ZNF790: variants seen among roughly 807,000 people sequenced by gnomAD.
ZNF790 encodes zinc finger protein 790.
Under a neutral mutation model 12.1 loss-of-function variants are expected in ZNF790, and 8 were observed. That is an observed-to-expected ratio of 0.66 (90% confidence interval 0.39 to 1.19). The LOEUF is 1.19. Ranked by LOEUF, ZNF790 falls within the 50% of genes most tolerant of loss-of-function variation. The probability of loss-of-function intolerance (pLI) is 0.01; values close to 1 mark genes in which losing one functional copy is unlikely to be tolerated. For synonymous variants in ZNF790, 252 were observed against 244.3 expected (o/e 1.03, Z -0.29); for missense variants, 707 against 752.2 (o/e 0.94, Z 0.70).
chr19:36,846,736 C>CT (rs1468050065), intron 1 of ZNF790, among the ~76,000 whole-genome samples: 9 of 152,312 alleles, frequency 5.9e-5, no homozygotes. Flanking sequence ...CTTAGATTCT[C>CT]TATTAGTCTA....
At chr19:36,821,140 T>A (rs183083886) in intron 4 of ZNF790, among the ~76,000 whole-genome samples, 49 of 147,506 alleles carry the variant, frequency 3.3e-4, no homozygotes, top group African/African-American at 1.2e-3. Context: ...TAAGAATAAG[T>A]ACTCCTCTGT....
chr19:36,839,505 A>T (rs1294913142), upstream of ZNF790, among the ~76,000 whole-genome samples: 1 of 152,014 alleles, frequency 6.6e-6, no homozygotes, highest in African/African-American at 2.4e-5. Flanking sequence ...GGCTCAAGTG[A>T]TCCTCCCACC....
chr19:36,827,164 A>G (rs1488562178), intron 1 of ZNF790, among the ~76,000 whole-genome samples: 2 of 137,450 alleles, frequency 1.5e-5, no homozygotes, highest in Admixed American at 7.4e-5. Flanking sequence ...ATATATATAT[A>G]TATATATATA....
chr19:36,839,125 C>A (rs2072105711), upstream of ZNF790, among the ~76,000 whole-genome samples: 1 of 152,168 alleles, frequency 6.6e-6, no homozygotes, highest in African/African-American at 2.4e-5. Flanking sequence ...TCCATTCATG[C>A]CATTCTTTTT....
chr19:36,823,584 A>G (rs1013890846), intron 3 of ZNF790, 83 bp downstream of exon 3: 1 of 1,544,606 alleles, frequency 6.5e-7, no homozygotes, highest in Non-Finnish European at 8.8e-7. Flanking sequence ...CAAAGGTCAG[A>G]AGTTACCCTG....
chr19:36,837,099 G>A, intron 1 of ZNF790, among the ~76,000 whole-genome samples: 1 of 152,084 alleles, frequency 6.6e-6, no homozygotes, highest in Non-Finnish European at 1.5e-5. Flanking sequence ...ATCCAACCTT[G>A]TATTTATATT....
chr19:36,827,058 T>G (rs927290722), intron 1 of ZNF790, among the ~76,000 whole-genome samples: 1 of 149,486 alleles, frequency 6.7e-6, no homozygotes, highest in Non-Finnish European at 1.5e-5. Context: ...TACATAGATA[T>G]ATATGTGTGT....
chr19:36,819,897 G>A lies in ZNF790; in HGVS notation c.447C>T (p.Pro149=). The change falls in exon 5 of 5, where the codon CCC becomes CCT. Residue 149 remains proline, a synonymous_variant. Coordinates refer to ENST00000356725, the MANE Select transcript of ZNF790 (RefSeq NM_206894.4). ...TAAACACTGTATGCTGGTTAAAAGT[G>A]GGCCTTTTTTCACAGGTGCGTATCA... The part of the protein sequence containing the change: ...KQVIRTCEKR[P]TFNQHTVFNL... The A allele has an allele frequency of 6.2e-7, 1 of 1,613,808 alleles. No individual in the cohort carries two copies. The highest frequency in any genetic ancestry group is 8.5e-7 in the Non-Finnish European group (1 of 1,179,906).
intron 1 of ZNF790, among the ~76,000 whole-genome samples, chr19:36,844,086 C>T (rs943432646): frequency 6.6e-6 from 1 of 150,836 alleles, no homozygotes; most frequent in Non-Finnish European, 1.5e-5. Flanking sequence ...TTTGGGAATG[C>T]CTGGGTGGAT....
At chr19:36,839,869 C>G (rs2072114356), upstream of ZNF790, among the ~76,000 whole-genome samples, 1 of 152,034 alleles carries the variant, frequency 6.6e-6, no homozygotes, top group East Asian at 2.0e-4. Context: ...TCGAGACCAG[C>G]TTGGCTAACA....
At chr19:36,827,168 A>ACG (rs2071840014) in intron 1 of ZNF790, among the ~76,000 whole-genome samples, 1 of 139,020 alleles carries the variant, frequency 7.2e-6, no homozygotes, top group African/African-American at 2.7e-5. Context: ...ATATATATAT[A>ACG]TATATATATA....
chr19:36,833,607 A>G (rs756464828), intron 1 of ZNF790, among the ~76,000 whole-genome samples: 6 of 152,232 alleles, frequency 3.9e-5, no homozygotes, highest in African/African-American at 9.6e-5. Flanking sequence ...CAAAAGATAT[A>G]CCATGCAAAT....
In ZNF790 at chr19:36,823,683, G is replaced by C. The variant is rs202026318; in HGVS notation, c.117C>G (p.Ser39Arg). The change falls in exon 3 of 5, where the codon AGC (serine) becomes AGG (arginine). Residue 39 changes from serine (S) to arginine (R), a missense_variant. Physicochemically the swap from Ser to Arg is moderately radical, Grantham distance 110 (BLOSUM62 -1). Coordinates refer to ENST00000356725, the MANE Select transcript of ZNF790 (RefSeq NM_206894.4). ...LYRDVMLENYSNMVSLGFCIY... is the reference protein window; with the variant it reads ...LYRDVMLENYRNMVSLGFCIY... ...GAATCTTACCCAGTGAGACCATGTTGCTGTAGTTCTCCAACATCACATCTC... is the reference window on the plus strand; with the variant it reads ...GAATCTTACCCAGTGAGACCATGTTCCTGTAGTTCTCCAACATCACATCTC... The C allele has an allele frequency of 6.2e-7, 1 of 1,609,644 alleles. No homozygotes were observed. The highest frequency in any genetic ancestry group is 8.5e-7 in the Non-Finnish European group (1 of 1,179,130).
At chr19:36,821,753 T>G (rs986093035) in intron 4 of ZNF790, among the ~76,000 whole-genome samples, 1 of 152,034 alleles carries the variant, frequency 6.6e-6, no homozygotes, top group Non-Finnish European at 1.5e-5. Context: ...CCAGCTCATT[T>G]TTGTATTTTT....
chr19:36,848,975 T>A (rs2072210736), intron 1 of ZNF790, among the ~76,000 whole-genome samples: 1 of 152,184 alleles, frequency 6.6e-6, no homozygotes, highest in African/African-American at 2.4e-5. Context: ...GTATTTTTAG[T>A]AGAGACGGGG....
chr19:36,832,616 C>T (rs1784217175), intron 1 of ZNF790, among the ~76,000 whole-genome samples: 1 of 152,068 alleles, frequency 6.6e-6, no homozygotes, highest in South Asian at 2.1e-4. Flanking sequence ...ATGATAGCAG[C>T]CCTGGCCAAG....
upstream of ZNF790, among the ~76,000 whole-genome samples, chr19:36,841,675 A>G (rs2072130542): frequency 1.3e-5 from 2 of 151,804 alleles, no homozygotes; most frequent in Non-Finnish European, 2.9e-5. Context: ...TAAGATCAGG[A>G]GTTCAAGACC....
intron 1 of ZNF790, among the ~76,000 whole-genome samples, chr19:36,830,633 A>G (rs575954772): frequency 1.3e-5 from 2 of 152,292 alleles, no homozygotes; most frequent in African/African-American, 4.8e-5. Flanking sequence ...CTGAATGGTA[A>G]AGAAGGCCTG....
At chr19:36,836,680 C>T (rs1307990260) in intron 1 of ZNF790, among the ~76,000 whole-genome samples, 1 of 152,172 alleles carries the variant, frequency 6.6e-6, no homozygotes, top group East Asian at 1.9e-4. Context: ...TCCACTTGAA[C>T]CTGGGAGGCG....
Sources: gnomAD v4.1 joint callset for allele counts (sites outside exome capture counted in the v4.1 genomes callset) on GRCh38, gnomAD v4.1.1 for gene constraint, MANE v1.5 for transcripts, NCBI Gene and HGNC (gene_info 2026-07-23, HGNC 2026-07-21) for gene names.